Variants in SKIC3 observed in about 807,000 individuals in gnomAD.
The protein encoded by SKIC3 is SKI3 subunit of superkiller complex, also known as superkiller complex protein 3.
the SKIC3 span, among the ~76,000 whole-genome samples, chr5:95,518,332 T>C: frequency 6.6e-6 from 1 of 152,094 alleles, no homozygotes; most frequent in Non-Finnish European, 1.5e-5. Flanking sequence ...CTATCCTCCT[T>C]CTAGCTATTT....
At chr5:95,503,705 A>G in the SKIC3 span, 1 of 1,517,268 alleles carries the variant, frequency 6.6e-7, no homozygotes, top group Non-Finnish European at 9.1e-7. Context: ...AGATTTTAAT[A>G]AACATTGCAA....
the SKIC3 span, among the ~76,000 whole-genome samples, chr5:95,470,521 A>G: frequency 1.3e-5 from 2 of 152,208 alleles, no homozygotes; most frequent in Non-Finnish European, 2.9e-5. Context: ...TGTGTCTACC[A>G]AATATACAAA....
the SKIC3 span, chr5:95,520,735 C>G: frequency 6.2e-7 from 1 of 1,609,720 alleles, no homozygotes; most frequent in Admixed American, 1.7e-5. Flanking sequence ...TATTCCAGTG[C>G]TTTTTCTATG....
the SKIC3 span, chr5:95,512,523 C>G: frequency 1.2e-6 from 2 of 1,613,896 alleles, no homozygotes; most frequent in Non-Finnish European, 1.7e-6. Context: ...TAGCATTCAT[C>G]TGGAGGATGT....
chr5:95,526,180 A>G, the SKIC3 span, among the ~76,000 whole-genome samples: 1 of 152,214 alleles, frequency 6.6e-6, no homozygotes, highest in Non-Finnish European at 1.5e-5. Flanking sequence ...CAAAATCTAA[A>G]TAAGACACAT....
the SKIC3 span, among the ~76,000 whole-genome samples, chr5:95,476,012 C>T: frequency 2.4e-4 from 36 of 152,336 alleles, no homozygotes; most frequent in South Asian, 7.3e-3. Flanking sequence ...TCACTCCATG[C>T]CCACATTACT....
chr5:95,540,412 C>T, the SKIC3 span, among the ~76,000 whole-genome samples: 5 of 151,506 alleles, frequency 3.3e-5, no homozygotes, highest in Non-Finnish European at 5.9e-5. Flanking sequence ...AGAACTTACT[C>T]GTGACCAAAT....
chr5:95,496,327 A>G, the SKIC3 span, among the ~76,000 whole-genome samples: 51 of 152,222 alleles, frequency 3.4e-4, no homozygotes, highest in East Asian at 8.7e-3. Context: ...CCAAATGCTA[A>G]CAAATTTTAA....
the SKIC3 span, among the ~76,000 whole-genome samples, chr5:95,492,120 T>TATA: frequency 6.6e-6 from 1 of 152,154 alleles, no homozygotes; most frequent in Non-Finnish European, 1.5e-5. Flanking sequence ...ACCTCCATAT[T>TATA]ATGAAACAAT....
At chr5:95,547,409 C>A in the SKIC3 span, among the ~76,000 whole-genome samples, 1 of 152,214 alleles carries the variant, frequency 6.6e-6, no homozygotes, top group South Asian at 2.1e-4. Flanking sequence ...TCTCAACAAC[C>A]CATTATTTCC....
the SKIC3 span, among the ~76,000 whole-genome samples, chr5:95,467,300 A>G: frequency 6.6e-6 from 1 of 152,204 alleles, no homozygotes; most frequent in South Asian, 2.1e-4. Flanking sequence ...ATTATATTTT[A>G]TTACTGAAAA....
chr5:95,514,081 T>C, the SKIC3 span, among the ~76,000 whole-genome samples: 1 of 152,184 alleles, frequency 6.6e-6, no homozygotes, highest in East Asian at 1.9e-4. Context: ...TTTGCCTTTC[T>C]AGCTCTGCTT....
the SKIC3 span, chr5:95,484,787 TGA>T: frequency 1.9e-6 from 3 of 1,614,114 alleles, no homozygotes; most frequent in South Asian, 1.1e-5. Flanking sequence ...TGACAGCTTG[TGA>T]GAGAGACCAC....
the SKIC3 span, among the ~76,000 whole-genome samples, chr5:95,510,778 A>G: frequency 2.0e-5 from 3 of 152,204 alleles, no homozygotes; most frequent in South Asian, 2.1e-4. Flanking sequence ...AGTCCTCCAC[A>G]CAGCCGGCTC....
chr5:95,467,721 C>CA, the SKIC3 span: 2 of 1,181,916 alleles, frequency 1.7e-6, no homozygotes, highest in Non-Finnish European at 2.3e-6. Flanking sequence ...TTTTATTAGC[C>CA]AAAAAATTAC....
At chr5:95,476,017 A>G in the SKIC3 span, among the ~76,000 whole-genome samples, 334 of 152,314 alleles carry the variant, frequency 2.2e-3, 1 homozygote, top group Middle Eastern at 6.8e-3. Flanking sequence ...CCATGCCCAC[A>G]TTACTTTTGT....
chr5:95,513,917 C>T, the SKIC3 span, among the ~76,000 whole-genome samples: 31 of 152,172 alleles, frequency 2.0e-4, no homozygotes, highest in Admixed American at 1.3e-3. Context: ...AGCAGTACTA[C>T]GCGAAGTGAG....
At chr5:95,524,710 T>C in the SKIC3 span, 6 of 1,288,780 alleles carry the variant, frequency 4.7e-6, no homozygotes, top group East Asian at 2.4e-5. Context: ...GGTGCCAAAT[T>C]AGAAACCAAT....
chr5:95,528,578 G>C, the SKIC3 span, among the ~76,000 whole-genome samples: 2 of 152,198 alleles, frequency 1.3e-5, no homozygotes, highest in Non-Finnish European at 2.9e-5. Flanking sequence ...AGGTGGGTCA[G>C]AAACAGTGAA....
Sources: gnomAD v4.1 joint callset for allele counts (sites outside exome capture counted in the v4.1 genomes callset) on GRCh38, gnomAD v4.1.1 for gene constraint, MANE v1.5 for transcripts, NCBI Gene and HGNC (gene_info 2026-07-23, HGNC 2026-07-21) for gene names.